CMIP: variants seen among roughly 807,000 people sequenced by gnomAD.
The protein encoded by CMIP is C-Maf-inducing protein.
CMIP carries 13 observed loss-of-function variants against 97.3 expected under a neutral mutation model. The observed-to-expected ratio is 0.13, with a 90% CI of 0.09 to 0.21. The LOEUF (loss-of-function observed/expected upper bound fraction) is 0.21, where lower values mean the gene tolerates loss of function less well. CMIP is among the 10% of genes least tolerant of loss of function. The pLI is 1.00. For synonymous variants in CMIP, 538 were observed against 436.3 expected (o/e 1.23, Z -2.91); for missense variants, 847 against 1,024.9 (o/e 0.83, Z 2.37).
chr16:81,531,940 T>G (rs1217918481), intron 1 of CMIP, among the ~76,000 whole-genome samples: 2 of 152,258 alleles, frequency 1.3e-5, no homozygotes, highest in African/African-American at 4.8e-5. Flanking sequence ...TGGTTTGTCT[T>G]CTAAATGAAA....
At chr16:81,602,908 C>T (rs926454877) in intron 1 of CMIP, among the ~76,000 whole-genome samples, 2 of 152,146 alleles carry the variant, frequency 1.3e-5, no homozygotes, top group East Asian at 1.9e-4. Flanking sequence ...ATAATCCCAG[C>T]GATAGGAAAG....
At chr16:81,650,355 A>C (rs1170290689) in intron 3 of CMIP, among the ~76,000 whole-genome samples, 1 of 152,200 alleles carries the variant, frequency 6.6e-6, no homozygotes, top group African/African-American at 2.4e-5. Flanking sequence ...TGGGCAAAGA[A>C]TAGTAAGACC....
In CMIP at chr16:81,710,873, C is replaced by G. The variant is rs1282228052; in HGVS notation, c.*1074C>G. On this transcript the variant is annotated 3_prime_UTR_variant, in exon 21 of 21. Transcript: ENST00000537098. ...CCTGTCCCTGTCAGCCTTTGCTGTC[C>G]CCTGTCCCCAACGGAGACTCTGTCA... 6.6e-6 allele frequency: 1 copy of G among 152,230 alleles called. No individual in the cohort carries two copies. Among genetic ancestry groups the G allele is most frequent in the African/African-American group, 2.4e-5 (1 of 41,418 alleles). 9.4% of individuals were successfully genotyped at this position (152,230 alleles called of 1,614,324 possible).
intron 1 of CMIP, among the ~76,000 whole-genome samples, chr16:81,601,212 T>A (rs2091651186): frequency 6.6e-6 from 1 of 152,210 alleles, no homozygotes; most frequent in Non-Finnish European, 1.5e-5. Context: ...CAGACTGGCT[T>A]CTTTTGGGGT....
intron 8 of CMIP, among the ~76,000 whole-genome samples, chr16:81,671,726 G>A (rs747643076): frequency 6.6e-5 from 10 of 152,176 alleles, no homozygotes; most frequent in Non-Finnish European, 5.9e-5. Context: ...GTTTGAACCC[G>A]GGAACCCTGG....
intron 1 of CMIP, among the ~76,000 whole-genome samples, chr16:81,454,875 A>G (rs931194011): frequency 2.0e-5 from 3 of 152,160 alleles, no homozygotes; most frequent in South Asian, 4.1e-4. Context: ...GAGAGGTAGG[A>G]TGGAGACTGA....
At chr16:81,692,751 C>A (rs1906241561) in intron 11 of CMIP, among the ~76,000 whole-genome samples, 1 of 152,188 alleles carries the variant, frequency 6.6e-6, no homozygotes, top group African/African-American at 2.4e-5. Context: ...GCTGTGGCAA[C>A]TGTCTTAGAA....
At chr16:81,696,812 T>A in intron 14 of CMIP, 145 bp downstream of exon 14, 1 of 683,062 alleles carries the variant, frequency 1.5e-6, no homozygotes, top group Non-Finnish European at 2.4e-6. Context: ...GTGGTGGTGG[T>A]GGTGGTGGTG....
chr16:81,697,114 G>A (rs1433320250), intron 14 of CMIP: 1 of 203,478 alleles, frequency 4.9e-6, no homozygotes, highest in Non-Finnish European at 1.0e-5. Flanking sequence ...TCGCGGTCAG[G>A]GGGATTGTTC....
At position 81,627,072 on chromosome 16, in the gene CMIP, TTGTG is replaced by T. The variant is rs1393264385; in HGVS notation, c.477+6148_477+6151del. Among the ~76,000 whole-genome samples the T allele has an allele frequency of 1.6e-5, 2 of 127,640 alleles. No homozygotes were observed. Among genetic ancestry groups the T allele is most frequent in the African/African-American group, 3.1e-5 (1 of 32,498 alleles). The allele number at this position is 127,640 out of a possible 152,430, so 83.7% of individuals were successfully genotyped here. A position where few individuals can be genotyped will look rare whatever the true frequency, so the allele number is the denominator to read the frequency against. On this transcript the variant is annotated intron_variant, in intron 3 of 20. Coordinates refer to ENST00000537098, the MANE Select transcript of CMIP (RefSeq NM_198390.3). The surrounding 1 kb of genome is among the most constrained non-coding windows in gnomAD (Gnocchi z 4.6). ...TGAGGTGACTGTTTTATGTGTGTGT[TTGTG>T]TATGTGTGGTGTGTGGGGGTGACTG...
At chr16:81,590,750 A>G (rs542391108) in intron 1 of CMIP, among the ~76,000 whole-genome samples, 67 of 152,312 alleles carry the variant, frequency 4.4e-4, no homozygotes, top group African/African-American at 1.5e-3. Context: ...CCTCTCACCT[A>G]CACACCCACT....
At chr16:81,488,006 TCTTA>T (rs2089345436) in intron 1 of CMIP, among the ~76,000 whole-genome samples, 1 of 152,222 alleles carries the variant, frequency 6.6e-6, no homozygotes, top group Non-Finnish European at 1.5e-5. Context: ...CAGCCTCGCA[TCTTA>T]CTTTAATTAT....
At chr16:81,591,649 C>A (rs1368886909) in intron 1 of CMIP, among the ~76,000 whole-genome samples, 1 of 152,026 alleles carries the variant, frequency 6.6e-6, no homozygotes, top group Non-Finnish European at 1.5e-5. Flanking sequence ...AGATGGAGGT[C>A]AACACTCCGG....
At chr16:81,589,442 C>T (rs2091432558) in intron 1 of CMIP, among the ~76,000 whole-genome samples, 1 of 151,940 alleles carries the variant, frequency 6.6e-6, no homozygotes, top group South Asian at 2.1e-4. Flanking sequence ...ATAGTAACTA[C>T]CTATATTAGA....
intron 1 of CMIP, among the ~76,000 whole-genome samples, chr16:81,533,272 G>C (rs2090275970): frequency 6.6e-6 from 1 of 152,092 alleles, no homozygotes; most frequent in Non-Finnish European, 1.5e-5. Flanking sequence ...TTAGAACAGG[G>C]CCTGGCACCT....
At chr16:81,463,166 C>A (rs1473537055) in intron 1 of CMIP, among the ~76,000 whole-genome samples, 2 of 152,178 alleles carry the variant, frequency 1.3e-5, no homozygotes, top group Non-Finnish European at 2.9e-5. Flanking sequence ...TAAGCAAGCA[C>A]CACTAAGAGA....
chr16:81,599,959 G>C (rs1208046069), intron 1 of CMIP, among the ~76,000 whole-genome samples: 1 of 152,112 alleles, frequency 6.6e-6, no homozygotes, highest in Non-Finnish European at 1.5e-5. Flanking sequence ...CGTCTGCATA[G>C]CAGGTGTCCT....
At chr16:81,605,256 A>G (rs990436747) in intron 1 of CMIP, among the ~76,000 whole-genome samples, 3 of 152,196 alleles carry the variant, frequency 2.0e-5, no homozygotes, top group African/African-American at 7.2e-5. Flanking sequence ...CTGCATAAAG[A>G]GAACCTTCTT....
At chr16:81,529,009 A>G (rs1165737463) in intron 1 of CMIP, among the ~76,000 whole-genome samples, 2 of 151,778 alleles carry the variant, frequency 1.3e-5, no homozygotes, top group Non-Finnish European at 2.9e-5. Flanking sequence ...CCCTTCATCC[A>G]TCACTTACTG....
Sources: gnomAD v4.1 joint callset for allele counts (sites outside exome capture counted in the v4.1 genomes callset) on GRCh38, gnomAD v4.1.1 for gene constraint, Gnocchi (gnomAD v3.1) non-coding constraint, MANE v1.5 for transcripts, NCBI Gene and HGNC (gene_info 2026-07-23, HGNC 2026-07-21) for gene names.